NOX4: variants seen among roughly 807,000 people sequenced by gnomAD.
NOX4 encodes the protein kidney oxidase-1.
Under a neutral mutation model 87.6 loss-of-function variants are expected in NOX4, and 69 were observed. The observed-to-expected ratio is 0.79, with a 90% CI of 0.65 to 0.96. The LOEUF (loss-of-function observed/expected upper bound fraction) is 0.96, where lower values mean the gene tolerates loss of function less well. Among genes scored for constraint, NOX4 ranks in the 40% least tolerant of loss-of-function variants. NOX4 has a pLI of 0.00. For missense variants in NOX4, 680 were observed against 681.5 expected (o/e 1.00, Z 0.02); for synonymous variants, 275 against 238.2 (o/e 1.15, Z -1.42).
At chr11:89,408,601 G>C (rs1486471892) in intron 8 of NOX4, among the ~76,000 whole-genome samples, 2 of 152,124 alleles carry the variant, frequency 1.3e-5, no homozygotes, top group Admixed American at 6.6e-5. Flanking sequence ...GCCTAACAGA[G>C]TTCTTGCCTC....
chr11:89,487,776 T>G (rs1565350715), intron 2 of NOX4, among the ~76,000 whole-genome samples: 1 of 152,148 alleles, frequency 6.6e-6, no homozygotes, highest in Non-Finnish European at 1.5e-5. Flanking sequence ...ACCAGCAATA[T>G]TTATTTAAAA....
At chr11:89,373,389 C>T (rs776637427) in intron 12 of NOX4, 43 bp downstream of exon 12, 11 of 1,092,212 alleles carry the variant, frequency 1.0e-5, no homozygotes, top group Non-Finnish European at 1.5e-5. Flanking sequence ...TTACATTCCA[C>T]TATTTTCAAA....
intron 17 of NOX4, among the ~76,000 whole-genome samples, chr11:89,327,751 T>C (rs1437447284): frequency 6.6e-6 from 1 of 152,026 alleles, no homozygotes; most frequent in East Asian, 1.9e-4. Flanking sequence ...GTACCAAAAA[T>C]TAATAGTAAA....
At position 89,389,908 on chromosome 11, in the gene NOX4, C is replaced by T. The variant is rs373453477; in HGVS notation, c.1074+10109G>A. Reference sequence around the variant, plus strand: ...TTTCTGTGTCACCGAGTTAACAATACGTGTCTCATAGGAATATAATAAGAA... The same window carrying T: ...TTTCTGTGTCACCGAGTTAACAATATGTGTCTCATAGGAATATAATAAGAA... On this transcript the variant is annotated intron_variant, in intron 11 of 17. Coordinates refer to ENST00000263317, the MANE Select transcript of NOX4 (RefSeq NM_016931.5). 1.8e-4 allele frequency among the ~76,000 whole-genome samples: 27 copies of T among 152,092 alleles called. 1 individual carries two copies. Among genetic ancestry groups the T allele is most frequent in the East Asian group, 9.6e-4 (5 of 5,184 alleles).
chr11:89,436,115 A>T (rs1944070091), intron 6 of NOX4, among the ~76,000 whole-genome samples: 1 of 152,216 alleles, frequency 6.6e-6, no homozygotes, highest in South Asian at 2.1e-4. Flanking sequence ...GTTTGTAGGC[A>T]TATACAGTGT....
At chr11:89,452,629 A>G (rs1245917609) in intron 2 of NOX4, among the ~76,000 whole-genome samples, 1 of 152,154 alleles carries the variant, frequency 6.6e-6, no homozygotes, top group African/African-American at 2.4e-5. Context: ...ACATGTATGC[A>G]TCATGAAATG....
At chr11:89,529,308 T>A in the NOX4 span, among the ~76,000 whole-genome samples, 2 of 152,142 alleles carry the variant, frequency 1.3e-5, no homozygotes, top group African/African-American at 4.8e-5. Flanking sequence ...TAAGACTAGC[T>A]TTAAGGAAGA....
At chr11:89,390,231 G>T (rs150373086) in intron 11 of NOX4, among the ~76,000 whole-genome samples, 2,859 of 152,242 alleles carry the variant, frequency 0.019, 84 homozygotes, top group African/African-American at 0.065. Context: ...AGAAATATTT[G>T]CCCTACTCAA....
chr11:89,409,489 C>G (rs980273429), intron 8 of NOX4, among the ~76,000 whole-genome samples: 1 of 152,006 alleles, frequency 6.6e-6, no homozygotes, highest in African/African-American at 2.4e-5. Context: ...TGTATATAAG[C>G]AGACATATAT....
rs185864256 is a variant in NOX4 at position 89,458,644 on chromosome 11, A to T, written c.154-6749T>A. 2.0e-3 allele frequency among the ~76,000 whole-genome samples: 301 copies of T among 152,288 alleles called. 2 individuals are homozygous for T. Among genetic ancestry groups the T allele is most frequent in the South Asian group, 2.7e-3 (13 of 4,832 alleles). ...AATCTCATTAAAAAGTGGGGTAAGA[A>T]CATCAAAAGACACTTTTCCAAAGAA... On this transcript the variant is annotated intron_variant, in intron 2 of 17. Coordinates refer to ENST00000263317, the MANE Select transcript of NOX4 (RefSeq NM_016931.5).
intron 11 of NOX4, among the ~76,000 whole-genome samples, chr11:89,389,409 T>C (rs1940962122): frequency 6.6e-6 from 1 of 152,188 alleles, no homozygotes; most frequent in Non-Finnish European, 1.5e-5. Context: ...ATCTCCATCT[T>C]AAAAAGTGAG....
At chr11:89,412,756 G>A (rs946401922) in intron 8 of NOX4, among the ~76,000 whole-genome samples, 14 of 151,990 alleles carry the variant, frequency 9.2e-5, no homozygotes, top group African/African-American at 3.4e-4. Flanking sequence ...AACTCTCCAG[G>A]ACATTGGACT....
At chr11:89,552,643 A>G in the NOX4 span, among the ~76,000 whole-genome samples, 4 of 152,198 alleles carry the variant, frequency 2.6e-5, no homozygotes, top group Non-Finnish European at 5.9e-5. Context: ...ATATCAGCTT[A>G]ATAACTACTT....
rs183623319 is a variant in NOX4 at position 89,404,340 on chromosome 11, G to A, written c.630-1798C>T. ...TACTGGCCAAAAGTTGAACAGACAT[G>A]AGCATAATGCACTTAGCACTACTCC... is the stretch of plus-strand genomic sequence containing the variant. On this transcript the variant is annotated intron_variant, in intron 8 of 17. Coordinates refer to ENST00000263317, the MANE Select transcript of NOX4 (RefSeq NM_016931.5). Among the ~76,000 whole-genome samples, 432 of 152,204 alleles carry A rather than the reference G, an allele frequency of 2.8e-3. 5 individuals are homozygous for A. The highest frequency in any genetic ancestry group is 0.01 in the African/African-American group (418 of 41,548).
intron 13 of NOX4, among the ~76,000 whole-genome samples, chr11:89,345,209 T>G (rs1216570269): frequency 6.6e-6 from 1 of 152,174 alleles, no homozygotes; most frequent in East Asian, 1.9e-4. Context: ...CTCAGAAGTC[T>G]GAGCATTTGT....
At chr11:89,465,003 G>C (rs1327676054) in intron 2 of NOX4, among the ~76,000 whole-genome samples, 2 of 151,890 alleles carry the variant, frequency 1.3e-5, no homozygotes, top group African/African-American at 4.8e-5. Context: ...AAACATTTTT[G>C]TTATACTTTA....
chr11:89,523,010 G>C, the NOX4 span, among the ~76,000 whole-genome samples: 1 of 151,980 alleles, frequency 6.6e-6, no homozygotes, highest in African/African-American at 2.4e-5. Flanking sequence ...GGAAAGTACA[G>C]AACGCTTTTT....
chr11:89,472,123 C>G (rs1318150091), intron 2 of NOX4, among the ~76,000 whole-genome samples: 1 of 152,012 alleles, frequency 6.6e-6, no homozygotes, highest in Non-Finnish European at 1.5e-5. Context: ...CATGAGTAAC[C>G]AGAAAATGAT....
At chr11:89,482,232 G>C (rs529204121) in intron 2 of NOX4, among the ~76,000 whole-genome samples, 5 of 152,048 alleles carry the variant, frequency 3.3e-5, no homozygotes, top group African/African-American at 1.2e-4. Context: ...ATTCTGGAAT[G>C]CTAGTGCTCA....
Sources: gnomAD v4.1 joint callset for allele counts (sites outside exome capture counted in the v4.1 genomes callset) on GRCh38, gnomAD v4.1.1 for gene constraint, MANE v1.5 for transcripts, NCBI Gene and HGNC (gene_info 2026-07-23, HGNC 2026-07-21) for gene names.